The following KIF21B variants were observed in gnomAD, a reference collection of about 807,000 sequenced individuals.
The protein encoded by KIF21B is kinesin family member 21B.
KIF21B carries 85 observed loss-of-function variants against 192.9 expected under a neutral mutation model. The ratio of observed to expected loss-of-function variants is 0.44; its 90% CI spans 0.37 to 0.53. The LOEUF is 0.53. Among genes scored for constraint, KIF21B ranks in the 20% least tolerant of loss-of-function variants. The pLI, the probability that KIF21B is intolerant of heterozygous loss-of-function variation, is 0.00. For missense variants in KIF21B, 1,716 were observed against 2,194.8 expected (o/e 0.78, Z 4.36); for synonymous variants, 832 against 884.6 (o/e 0.94, Z 1.05).
In KIF21B at chr1:201,017,444, C is replaced by A. The variant is rs1003300180; in HGVS notation, c.41+5899G>T. ...AGTACTGCTCAGCTGTGCTGCAGCG[C>A]CACTCTCCCTGTCCCACCCCCATCT... On this transcript the variant is annotated intron_variant, in intron 1 of 34. Transcript: ENST00000461742. This position sits in a 1 kb window ranked among gnomAD's most constrained non-coding sequence, Gnocchi z 4.1. Among the ~76,000 whole-genome samples, 1 of 152,168 alleles carries A rather than the reference C, an allele frequency of 6.6e-6. No individual in the cohort carries two copies. Among genetic ancestry groups the A allele is most frequent in the African/African-American group, 2.4e-5 (1 of 41,432 alleles).
chr1:200,982,524 C>A lies in KIF21B; in HGVS notation c.3842+532G>T, dbSNP rs947503183. Among the ~76,000 whole-genome samples the A allele has an allele frequency of 1.3e-5, 2 of 152,190 alleles. No individual in the cohort carries two copies. The highest frequency in any genetic ancestry group is 4.8e-5 in the African/African-American group (2 of 41,438). ...GCTGCGGGAAGGGGAGGTACCCACA[C>A]ATCTGTGTGCTAACAGGTGTGGGCA... On this transcript the variant is annotated intron_variant, in intron 28 of 34. Transcript: ENST00000461742. The surrounding 1 kb of genome is among the most constrained non-coding windows in gnomAD (Gnocchi z 4.7).
chr1:200,991,645 G>A lies in KIF21B; in HGVS notation c.2454+12C>T, dbSNP rs375649313. ...AGGGCCAGGGCCTCGCCAGCCCCTCGAGTGAGCTCACCTCCTGGGTCTTCC... is the reference window on the plus strand; with the variant it reads ...AGGGCCAGGGCCTCGCCAGCCCCTCAAGTGAGCTCACCTCCTGGGTCTTCC... On this transcript the variant is annotated intron_variant, in intron 17 of 34. Coordinates refer to ENST00000461742, the MANE Select transcript of KIF21B (RefSeq NM_001252102.2). 13 of 1,613,430 alleles carry A rather than the reference G, an allele frequency of 8.1e-6. No individual in the cohort carries two copies. The highest frequency in any genetic ancestry group is 3.3e-5 in the Admixed American group (2 of 60,002).
intron 1 of KIF21B, among the ~76,000 whole-genome samples, chr1:201,015,639 C>G (rs1658461973): frequency 6.6e-6 from 1 of 152,176 alleles, no homozygotes; most frequent in Non-Finnish European, 1.5e-5. Context: ...GCTGTATCCT[C>G]TGTGGCGGAT....
chr1:200,974,317 G>A, intron 34 of KIF21B: 1 of 1,181,636 alleles, frequency 8.5e-7, no homozygotes, highest in Non-Finnish European at 1.2e-6. Context: ...ATGGGACAGA[G>A]GGCCTGGCTG....
rs564603169 is a variant in KIF21B, at chr1:200,992,350, G to A, written c.2317C>T (p.Arg773Trp). 8 of 1,613,212 alleles carry A rather than the reference G, an allele frequency of 5.0e-6. No homozygotes were observed. In the Admixed American group the frequency reaches 5.0e-5, roughly 10 times the overall value. Residue 773 changes from arginine to tryptophan, a missense_variant, in exon 16 of 35, where the codon CGG (arginine) becomes TGG (tryptophan). By Grantham distance (101) the Arg-to-Trp change is moderately radical. This residue lies in a region of KIF21B where 1,087 missense variants were observed against 1,316.6 expected (regional missense o/e 0.83). Transcript: ENST00000461742. Reference sequence around the variant, plus strand: ...TTCCTCTTGGTCTCCACTAGCCGCCGCCGCTGTTGCTCCTCACGCATCTGC... The same window carrying A: ...TTCCTCTTGGTCTCCACTAGCCGCCACCGCTGTTGCTCCTCACGCATCTGC... ...MKQMREEQQR[R>W]RLVETKRNRE...
At position 200,998,358 on chromosome 1, in the gene KIF21B, G is replaced by C; in HGVS notation, c.2077+26C>G. 1 of 1,596,136 alleles carries C rather than the reference G, an allele frequency of 6.3e-7. No individual in the cohort carries two copies. The highest frequency in any genetic ancestry group is 1.1e-5 in the South Asian group (1 of 90,252). ...AGGGAAAAGGGAGGGTCCGGATGGG[G>C]TGGAGGGGCATGGCGGTGGCCTCAC... On this transcript the variant is annotated intron_variant, in intron 14 of 34. Transcript: ENST00000461742. The surrounding 1 kb of genome is among the most constrained non-coding windows in gnomAD (Gnocchi z 4.3).
chr1:201,017,517 C>T lies in KIF21B; in HGVS notation c.41+5826G>A, dbSNP rs774387592. Among the ~76,000 whole-genome samples, 11 of 152,222 alleles carry T rather than the reference C, an allele frequency of 7.2e-5. No homozygotes were observed. Among genetic ancestry groups the T allele is most frequent in the Admixed American group, 1.3e-4 (2 of 15,292 alleles). ...CCATGACCTCCCCAGAGACAGGAGA[C>T]GCTGCAGAGTCAGGCTTCGCCCAGA... On this transcript the variant is annotated intron_variant, in intron 1 of 34. Coordinates refer to ENST00000461742, the MANE Select transcript of KIF21B (RefSeq NM_001252102.2). This position sits in a 1 kb window ranked among gnomAD's most constrained non-coding sequence, Gnocchi z 4.1.
rs749008346 is a variant in KIF21B, at chr1:200,973,318, C to T, written c.*203G>A. 3.7e-6 allele frequency: 2 copies of T among 544,266 alleles called. No individual in the cohort carries two copies. The highest frequency in any genetic ancestry group is 3.5e-5 in the East Asian group (1 of 28,708). The allele number at this position is 544,266 out of a possible 1,614,324, so 33.7% of individuals were successfully genotyped here. On this transcript the variant is annotated 3_prime_UTR_variant, in exon 35 of 35. Coordinates refer to ENST00000461742, the MANE Select transcript of KIF21B (RefSeq NM_001252102.2). ...TTAATTTCCTCCCCAGCCTCTCTCT[C>T]ACCCAGAGGCTCCTGAGAGGCAGGG...
At chr1:201,018,855 G>A (rs1049255796) in intron 1 of KIF21B, among the ~76,000 whole-genome samples, 8 of 152,194 alleles carry the variant, frequency 5.3e-5, no homozygotes, top group African/African-American at 1.9e-4. Context: ...AGGACTGGAG[G>A]TGAATTCAAT....
chr1:201,015,455 A>C (rs1274045236), intron 1 of KIF21B, among the ~76,000 whole-genome samples: 1 of 152,228 alleles, frequency 6.6e-6, no homozygotes, highest in Non-Finnish European at 1.5e-5. Context: ...CCTTTCTGGA[A>C]TCTTGAAAAG....
rs1469941803 is a variant in KIF21B at position 201,000,833 on chromosome 1, C to T, written c.1403-53G>A. On this transcript the variant is annotated intron_variant, in intron 9 of 34. Coordinates refer to ENST00000461742, the MANE Select transcript of KIF21B (RefSeq NM_001252102.2). The surrounding 1 kb of genome is among the most constrained non-coding windows in gnomAD (Gnocchi z 6.0). ...GCGATAAAGAAGATAAATAGGCCAG[C>T]GCGGTGGCTCAGACCTATAATTCCA... 4 of 1,589,906 alleles carry T rather than the reference C, an allele frequency of 2.5e-6. No individual in the cohort carries two copies. The highest frequency in any genetic ancestry group is 1.1e-5 in the South Asian group (1 of 90,592).
chr1:201,021,906 C>T (rs926789315), intron 1 of KIF21B, among the ~76,000 whole-genome samples: 2 of 152,168 alleles, frequency 1.3e-5, no homozygotes, highest in African/African-American at 4.8e-5. Flanking sequence ...ATGCACCCCT[C>T]CCTCGACCTC....
At chr1:201,016,100 G>T (rs959308879) in intron 1 of KIF21B, among the ~76,000 whole-genome samples, 1 of 152,230 alleles carries the variant, frequency 6.6e-6, no homozygotes, top group Non-Finnish European at 1.5e-5. Flanking sequence ...CTAAGGCTCA[G>T]CAGGTGAAAT....
chr1:200,985,630 C>T (rs921210899), intron 26 of KIF21B, among the ~76,000 whole-genome samples: 14 of 152,190 alleles, frequency 9.2e-5, no homozygotes, highest in Admixed American at 5.9e-4. Flanking sequence ...AGTCATCCTT[C>T]GATCTACAGA....
chr1:200,975,465 C>A lies in KIF21B; in HGVS notation c.4614+34G>T, dbSNP rs766086618. 6.3e-7 allele frequency: 1 copy of A among 1,582,088 alleles called. No individual in the cohort carries two copies. Among genetic ancestry groups the A allele is most frequent in the Admixed American group, 1.7e-5 (1 of 58,656 alleles). On this transcript the variant is annotated intron_variant, in intron 33 of 34. Transcript: ENST00000461742. The surrounding 1 kb of genome is among the most constrained non-coding windows in gnomAD (Gnocchi z 4.3). ...CGTGGGCTATGGAAACCACCCTACC[C>A]GAGTCTACCCTCTCCCTTTCCTCCT...
At chr1:201,007,807 C>T (rs981385655) in intron 3 of KIF21B, among the ~76,000 whole-genome samples, 1 of 151,948 alleles carries the variant, frequency 6.6e-6, no homozygotes, top group Middle Eastern at 3.4e-3. Context: ...TAGACACACA[C>T]ATAGACACAC....
At position 200,990,406 on chromosome 1, in the gene KIF21B, T is replaced by C; in HGVS notation, c.2836-74A>G. ...GTAGCTGCCAAGCCCTGCCCATAGC[T>C]TCCACCACAGGCTGGCCTGTGAGGT... is the stretch of plus-strand genomic sequence containing the variant. On this transcript the variant is annotated intron_variant, in intron 19 of 34. Transcript: ENST00000461742. The surrounding 1 kb of genome is among the most constrained non-coding windows in gnomAD (Gnocchi z 5.4). 6.7e-7 allele frequency: 1 copy of C among 1,501,202 alleles called. No individual in the cohort carries two copies. The highest frequency in any genetic ancestry group is 9.0e-7 in the Non-Finnish European group (1 of 1,110,172). 93.0% of individuals were successfully genotyped at this position (1,501,202 alleles called of 1,614,324 possible).
chr1:201,005,228 G>C, intron 5 of KIF21B, 80 bp downstream of exon 5: 2 of 1,483,372 alleles, frequency 1.3e-6, no homozygotes, highest in Non-Finnish European at 1.8e-6. Context: ...TGCTATTTCT[G>C]AATCTGTGGC....
At chr1:201,008,972 G>C (rs1426010216) in intron 2 of KIF21B, 21 bp from the exon 3 acceptor site, 3 of 1,598,502 alleles carry the variant, frequency 1.9e-6, no homozygotes, top group Non-Finnish European at 2.6e-6. Context: ...AAAGATAGGA[G>C]GGTGTAACCC....
Sources: allele counts gnomAD v4.1 joint callset (sites outside exome capture counted in the v4.1 genomes callset), GRCh38; gene constraint gnomAD v4.1.1; regional missense constraint gnomAD v4.1.1; non-coding constraint Gnocchi (gnomAD v3.1); transcripts MANE v1.5; gene names NCBI Gene and HGNC (gene_info 2026-07-23, HGNC 2026-07-21).